Variants in POMGNT2 observed in about 807,000 individuals in gnomAD.
The protein encoded by POMGNT2 is protein O-linked mannose N-acetylglucosaminyltransferase 2 (beta 1,4-).
In POMGNT2, 32 loss-of-function variants were observed where a neutral mutation model predicts 37.8. The ratio of observed to expected loss-of-function variants is 0.85; its 90% confidence interval spans 0.64 to 1.14. The LOEUF is 1.14. Among genes scored for constraint, POMGNT2 ranks in the 50% most tolerant of loss-of-function variants. The pLI is 0.00. For missense variants in POMGNT2, 705 were observed against 780.6 expected (o/e 0.90, Z 1.15); for synonymous variants, 340 against 336.8 (o/e 1.01, Z -0.10).
Position 43,080,091 on chromosome 3 carries a change from G to A in POMGNT2, c.1341C>T (p.Tyr447=), listed in dbSNP as rs753009890. The A allele has an allele frequency of 1.9e-6, 3 of 1,613,754 alleles. No individual in the cohort carries two copies. Among genetic ancestry groups the A allele is most frequent in the East Asian group, 4.5e-5 (2 of 44,888 alleles). ...CRNPEWLFRI[Y]QDTKVDIPSL... ...ACGGGATGTCCACCTTGGTGTCCTG[G>A]TAGATTCGGAAGAGCCACTCGGGGT... The change falls in exon 2 of 2, where the codon TAC becomes TAT. Residue 447 remains tyrosine, a synonymous_variant. Transcript: ENST00000344697.
At chr3:43,089,195 C>T (rs962824370) in intron 1 of POMGNT2, among the ~76,000 whole-genome samples, 2 of 152,244 alleles carry the variant, frequency 1.3e-5, no homozygotes, top group African/African-American at 4.8e-5. Flanking sequence ...CAAAGTGTCA[C>T]AGCACGGGCA....
In POMGNT2 at chr3:43,080,831, C is replaced by T; in HGVS notation, c.601G>A (p.Ala201Thr). Reference protein sequence around the residue: ...LFFMEGWGEGAHFDLYKLLSP... With the variant: ...LFFMEGWGEGTHFDLYKLLSP... ...AGCAGCTTGTAGAGGTCGAAGTGTG[C>T]ACCCTCGCCCCAGCCCTCCATGAAG... is the stretch of plus-strand genomic sequence containing the variant. Residue 201 changes from alanine to threonine, a missense_variant, in exon 2 of 2, where the codon GCA becomes ACA. Ala to Thr is a moderately conservative substitution (Grantham distance 58). Coordinates refer to ENST00000344697, the MANE Select transcript of POMGNT2 (RefSeq NM_032806.6). 1 of 1,614,028 alleles carries T rather than the reference C, an allele frequency of 6.2e-7. No homozygotes were observed. Among genetic ancestry groups the T allele is most frequent in the Non-Finnish European group, 8.5e-7 (1 of 1,179,978 alleles).
In POMGNT2 at chr3:43,080,955, G is replaced by A; in HGVS notation, c.477C>T (p.Phe159=). 1 of 1,614,220 alleles carries A rather than the reference G, an allele frequency of 6.2e-7. No homozygotes were observed. Among genetic ancestry groups the A allele is most frequent in the Non-Finnish European group, 8.5e-7 (1 of 1,180,038 alleles). Reference sequence around the variant, plus strand: ...AGACGTGCATGAGGTTGTCGGGGTTGAAGCGGTTGGCGATGAGGGCCACGT... The same window carrying A: ...AGACGTGCATGAGGTTGTCGGGGTTAAAGCGGTTGGCGATGAGGGCCACGT... ...VPDVALIANR[F]NPDNLMHVFH... Residue 159 remains phenylalanine (F), a synonymous_variant, in exon 2 of 2, where the codon TTC becomes TTT. Transcript: ENST00000344697.
chr3:43,079,549 A>T lies in POMGNT2; in HGVS notation c.*140T>A, dbSNP rs539221096. 2.8e-6 allele frequency: 2 copies of T among 724,030 alleles called. No individual in the cohort carries two copies. Among genetic ancestry groups the T allele is most frequent in the South Asian group, 3.8e-5 (2 of 52,004 alleles). The allele number at this position is 724,030 out of a possible 1,614,324, so 44.9% of individuals were successfully genotyped here. ...GCAAAGAGGAGTGCTGTGACACCAC[A>T]CCCCAGAGACAACAAGATGATGTGG... On this transcript the variant is annotated 3_prime_UTR_variant, in exon 2 of 2. Transcript: ENST00000344697.
intron 1 of POMGNT2, among the ~76,000 whole-genome samples, chr3:43,102,157 G>C (rs1250718930): frequency 6.6e-6 from 1 of 152,004 alleles, no homozygotes; most frequent in Non-Finnish European, 1.5e-5. Flanking sequence ...GCACAACTGT[G>C]GCAACTCCAG....
chr3:43,084,971 G>A (rs2089885030), intron 1 of POMGNT2, among the ~76,000 whole-genome samples: 1 of 145,874 alleles, frequency 6.9e-6, no homozygotes, highest in South Asian at 2.2e-4. Context: ...AGTAGCTTCT[G>A]TTAAAACTGT....
At chr3:43,081,850 C>A (rs533591718) in intron 1 of POMGNT2, among the ~76,000 whole-genome samples, 1 of 152,232 alleles carries the variant, frequency 6.6e-6, no homozygotes, top group African/African-American at 2.4e-5. Context: ...TTTGGGCTGG[C>A]CTTGCCCTCT....
In POMGNT2 at chr3:43,098,263, T is replaced by C. The variant is rs2089993686; in HGVS notation, c.-106+7573A>G. ...TAGATTGTGGAAGCTTTCAGTCCTG[T>C]ATTGATTTGTTGTCTTACATGTTGT... On this transcript the variant is annotated intron_variant, in intron 1 of 1. Transcript: ENST00000344697. The surrounding 1 kb of genome is among the most constrained non-coding windows in gnomAD (Gnocchi z 4.3). 6.6e-6 allele frequency among the ~76,000 whole-genome samples: 1 copy of C among 152,246 alleles called. No homozygotes were observed. The highest frequency in any genetic ancestry group is 2.1e-4 in the South Asian group (1 of 4,834).
At chr3:43,102,328 G>A (rs556769171) in intron 1 of POMGNT2, among the ~76,000 whole-genome samples, 2 of 152,274 alleles carry the variant, frequency 1.3e-5, no homozygotes, top group East Asian at 3.9e-4. Context: ...AGCAAAGAAG[G>A]GGCCTTCTCT....
At chr3:43,105,565 CCCCCGGCCCCCGACCCCCAAT>C (rs1449250809) in intron 1 of POMGNT2, among the ~76,000 whole-genome samples, 7 of 139,848 alleles carry the variant, frequency 5.0e-5, no homozygotes, top group South Asian at 2.3e-4. Flanking sequence ...AGGTCCCCGG[CCCCCGGCCCCCGACCCCCAAT>C]CCCCGGCCCC....
Position 43,081,263 on chromosome 3 carries a change from GT to G in POMGNT2, c.168del (p.Leu57CysfsTer4). The stretch of plus-strand genomic sequence containing the variant: ...GTGCCGCCCTCCATCAGGATCTGCA[GT>G]GCCTTCGGGTAGTCGATCCTCAGTG... The part of the protein sequence containing the change: ...APALRIDYPK[A>X]LQILMEGGTH... On this transcript the variant is annotated frameshift_variant, in exon 2 of 2. Transcript: ENST00000344697. LOFTEE classifies it high-confidence loss of function. The G allele has an allele frequency of 6.2e-7, 1 of 1,613,678 alleles. No homozygotes were observed. The highest frequency in any genetic ancestry group is 8.5e-7 in the Non-Finnish European group (1 of 1,180,038).
intron 1 of POMGNT2, among the ~76,000 whole-genome samples, chr3:43,095,419 G>A (rs962741962): frequency 6.6e-6 from 1 of 152,194 alleles, no homozygotes; most frequent in African/African-American, 2.4e-5. Context: ...CAGGACAGAT[G>A]GTCTTTGACA....
chr3:43,102,576 A>G (rs541097537), intron 1 of POMGNT2, among the ~76,000 whole-genome samples: 1 of 152,286 alleles, frequency 6.6e-6, no homozygotes, highest in Non-Finnish European at 1.5e-5. Context: ...TTTACTGAGC[A>G]CCTACTATGC....
Position 43,081,033 on chromosome 3 carries a change from C to T in POMGNT2, c.399G>A (p.Val133=), listed in dbSNP as rs1435634696. ...EDHNTQYFNF[V]ELPAAALRFM... ...AGCGCAGGGCAGCAGCAGGCAGCTC[C>T]ACGAAGTTGAAGTACTGAGTGTTGT... The change falls in exon 2 of 2, where the codon GTG becomes GTA. Residue 133 remains valine, a synonymous_variant. Coordinates refer to ENST00000344697, the MANE Select transcript of POMGNT2 (RefSeq NM_032806.6). 6.2e-7 allele frequency: 1 copy of T among 1,614,112 alleles called. No homozygotes were observed. The highest frequency in any genetic ancestry group is 1.7e-5 in the Admixed American group (1 of 60,008).
chr3:43,102,594 G>A (rs898483216), intron 1 of POMGNT2, among the ~76,000 whole-genome samples: 3 of 152,190 alleles, frequency 2.0e-5, no homozygotes, highest in Admixed American at 1.3e-4. Flanking sequence ...TGCGAGAGGC[G>A]CTGTCTTAAG....
At chr3:43,104,848 C>G (rs565008899) in intron 1 of POMGNT2, among the ~76,000 whole-genome samples, 1 of 152,332 alleles carries the variant, frequency 6.6e-6, no homozygotes, top group Non-Finnish European at 1.5e-5. Flanking sequence ...GATAAAGGCA[C>G]TGTACTTTCA....
intron 1 of POMGNT2, chr3:43,090,593 A>G (rs1258580731): frequency 6.6e-6 from 1 of 152,224 alleles, no homozygotes; most frequent in Non-Finnish European, 1.5e-5. Context: ...CTAGGAGGAA[A>G]GAAGAGAAGC....
Position 43,081,134 on chromosome 3 carries a change from T to C in POMGNT2, c.298A>G (p.Thr100Ala). The C allele has an allele frequency of 3.1e-6, 5 of 1,613,970 alleles. No homozygotes were observed. Among genetic ancestry groups the C allele is most frequent in the Non-Finnish European group, 4.2e-6 (5 of 1,179,964 alleles). ...CCCAGGTTGGGCAGCATGACAGAGG[T>C]GTTGCCATGGAAGAAGATGAACTCC... ...AEEFIFFHGNTSVMLPNLGSR... is the reference protein window; with the variant it reads ...AEEFIFFHGNASVMLPNLGSR... Residue 100 changes from threonine to alanine, a missense_variant, in exon 2 of 2, where the codon ACC (threonine) becomes GCC (alanine). By Grantham distance (58) the Thr-to-Ala change is moderately conservative. Transcript: ENST00000344697.
intron 1 of POMGNT2, among the ~76,000 whole-genome samples, chr3:43,088,984 A>G (rs1291944785): frequency 6.6e-6 from 1 of 152,192 alleles, no homozygotes; most frequent in African/African-American, 2.4e-5. Context: ...GTCTGGCTGC[A>G]TCTCCTGTTT....
Sources: gnomAD v4.1 joint callset for allele counts (sites outside exome capture counted in the v4.1 genomes callset) on GRCh38, gnomAD v4.1.1 for gene constraint, Gnocchi (gnomAD v3.1) non-coding constraint, MANE v1.5 for transcripts, NCBI Gene and HGNC (gene_info 2026-07-23, HGNC 2026-07-21) for gene names.